The following SIGLEC6 variants were observed in gnomAD, a reference collection of about 807,000 sequenced individuals.
SIGLEC6 encodes the protein sialic acid binding Ig like lectin 6, also known as sialic acid-binding Ig-like lectin 6.
A neutral mutation model predicts 41.4 loss-of-function variants in SIGLEC6; 31 were observed. The ratio of observed to expected loss-of-function variants is 0.75; its 90% CI spans 0.56 to 1.01. The LOEUF (loss-of-function observed/expected upper bound fraction) is 1.01. Ranked by LOEUF, SIGLEC6 falls within the 50% of genes least tolerant of loss-of-function variation. The pLI is 0.00. For missense variants in SIGLEC6, 555 were observed against 558.6 expected (o/e 0.99, Z 0.06); for synonymous variants, 217 against 231.0 (o/e 0.94, Z 0.55).
rs951936742 is a variant in SIGLEC6 at position 51,531,490 on chromosome 19, G to C, written c.97C>G (p.Leu33Val). 1.2e-6 allele frequency: 2 copies of C among 1,613,852 alleles called. No individual in the cohort carries two copies. The highest frequency in any genetic ancestry group is 3.3e-5 in the Admixed American group (2 of 59,966). Reference sequence around the variant, plus strand: ...ACCGTCAGTGACTCTGGCCCCTCCAGCTGGAATCTCCGCTCCTGAGCCAGG... The same window carrying C: ...ACCGTCAGTGACTCTGGCCCCTCCACCTGGAATCTCCGCTCCTGAGCCAGG... The part of the protein sequence containing the change: ...GALAQERRFQ[L>V]EGPESLTVQE... The change falls in exon 2 of 8, where the codon CTG becomes GTG. Residue 33 changes from leucine (L) to valine (V), a missense_variant. Transcript: ENST00000425629.
In SIGLEC6 at chr19:51,519,990, G is replaced by A. The variant is rs1035317566; in HGVS notation, c.*92C>T. 4 of 1,106,010 alleles carry A rather than the reference G, an allele frequency of 3.6e-6. No homozygotes were observed. In the South Asian group the frequency reaches 6.9e-5, roughly 19 times the overall value. The allele number at this position is 1,106,010 out of a possible 1,614,324, so 68.5% of individuals were successfully genotyped here. On this transcript the variant is annotated 3_prime_UTR_variant, in exon 8 of 8. Coordinates refer to ENST00000425629, the MANE Select transcript of SIGLEC6 (RefSeq NM_001245.7). ...TAAAGTTCTGTGTTTATGTCACTCG[G>A]TTTGTGGTACATTGCTGTGGCAGCC...
intron 2 of SIGLEC6, 44 bp from the exon 3 acceptor site, chr19:51,531,003 GT>G: frequency 6.3e-7 from 1 of 1,593,736 alleles, no homozygotes; most frequent in Non-Finnish European, 8.5e-7. Flanking sequence ...GAGGTCTGAG[GT>G]TTCACCCAGG....
chr19:51,530,391 C>T, intron 4 of SIGLEC6, 46 bp downstream of exon 4: 1 of 1,556,202 alleles, frequency 6.4e-7, no homozygotes, highest in Non-Finnish European at 8.9e-7. Context: ...AGTCCCCACT[C>T]TGCTTCCATC....
Position 51,520,077 on chromosome 19 carries a change from A to T in SIGLEC6, c.*5T>A, listed in dbSNP as rs989368473. ...CCAATCAAGGTTATGGCTTTGGACA[A>T]TTCCTCACTTGTGTATCTTGATTTC... On this transcript the variant is annotated 3_prime_UTR_variant, in exon 8 of 8. Coordinates refer to ENST00000425629, the MANE Select transcript of SIGLEC6 (RefSeq NM_001245.7). The T allele has an allele frequency of 6.5e-7, 1 of 1,549,858 alleles. No homozygotes were observed. The highest frequency in any genetic ancestry group is 8.8e-7 in the Non-Finnish European group (1 of 1,133,738).
intron 7 of SIGLEC6, among the ~76,000 whole-genome samples, chr19:51,526,406 G>T (rs1979240529): frequency 6.6e-6 from 1 of 152,174 alleles, no homozygotes; most frequent in African/African-American, 2.4e-5. Context: ...CCACCTATTG[G>T]ATCACATCCA....
rs762596909 is a variant in SIGLEC6, at chr19:51,531,624, C to A, written c.25G>T (p.Ala9Ser). 5.0e-6 allele frequency: 8 copies of A among 1,610,690 alleles called. No homozygotes were observed. The Admixed American group carries it at 1.3e-4, about 27-fold the overall frequency. The change falls in exon 1 of 8, where the codon GCC (alanine) becomes TCC (serine). Residue 9 changes from alanine to serine, a missense_variant. Physicochemically the swap from Ala to Ser is moderately conservative, Grantham distance 99 (BLOSUM62 1). Transcript: ENST00000425629. ...AGCAGCAGCGGTAGCATCTCTGAGG[C>A]GGAGGCTTCCTGGGCTCCCTGCATG... MQGAQEAS[A>S]SEMLPLLLPL...
chr19:51,527,312 T>C (rs1347159438), intron 7 of SIGLEC6, among the ~76,000 whole-genome samples: 2 of 152,078 alleles, frequency 1.3e-5, no homozygotes, highest in African/African-American at 4.8e-5. Context: ...AATATTGTAA[T>C]AGTGATGAGC....
In SIGLEC6 at chr19:51,520,261, T is replaced by C; in HGVS notation, c.1189-6A>G. ...TGGAACTGGTGCTGATGACCCTTAA[T>C]GGAAGAAAAGAAAAGATTCAGGGCT... On this transcript the variant is annotated splice_region_variant and splice_polypyrimidine_tract_variant and intron_variant, in intron 7 of 7. Coordinates refer to ENST00000425629, the MANE Select transcript of SIGLEC6 (RefSeq NM_001245.7). 6.5e-7 allele frequency: 1 copy of C among 1,549,128 alleles called. No individual in the cohort carries two copies. Among genetic ancestry groups the C allele is most frequent in the Non-Finnish European group, 8.8e-7 (1 of 1,134,386 alleles).
At chr19:51,523,196 A>G (rs12461762) in intron 7 of SIGLEC6, among the ~76,000 whole-genome samples, 1 of 152,188 alleles carries the variant, frequency 6.6e-6, no homozygotes, top group Non-Finnish European at 1.5e-5. Flanking sequence ...GCAATATCTA[A>G]AAAGAAAAGC....
intron 5 of SIGLEC6, 43 bp from the exon 6 acceptor site, chr19:51,528,296 A>G (rs1199082910): frequency 6.5e-7 from 1 of 1,532,704 alleles, no homozygotes; most frequent in Non-Finnish European, 9.0e-7. Context: ...TAATTCCAGG[A>G]CATCCTCCCA....
intron 5 of SIGLEC6, chr19:51,528,485 A>T: frequency 1.8e-6 from 1 of 566,178 alleles, no homozygotes; most frequent in Non-Finnish European, 3.2e-6. Context: ...GGCCTTGGAA[A>T]CATCTTCTCC....
At chr19:51,528,763 A>C (rs992628321) in intron 5 of SIGLEC6, among the ~76,000 whole-genome samples, 3 of 152,082 alleles carry the variant, frequency 2.0e-5, no homozygotes. Flanking sequence ...CTAGCAGATC[A>C]CCAGGTCAGG....
chr19:51,520,124 C>G lies in SIGLEC6; in HGVS notation c.1320G>C (p.Lys440Asn). 6.3e-7 allele frequency: 1 copy of G among 1,595,768 alleles called. No individual in the cohort carries two copies. Among genetic ancestry groups the G allele is most frequent in the Non-Finnish European group, 8.6e-7 (1 of 1,166,030 alleles). The change falls in exon 8 of 8, where the codon AAG becomes AAC. Residue 440 changes from lysine to asparagine, a missense_variant. Coordinates refer to ENST00000425629, the MANE Select transcript of SIGLEC6 (RefSeq NM_001245.7). ...HFHKVQPQEPKVTDTEYSEIK... is the reference protein window; with the variant it reads ...HFHKVQPQEPNVTDTEYSEIK... ...TTTCTGAGTACTCAGTGTCGGTGAC[C>G]TTTGGTTCCTGAGGTTGCACCTTGT...
At position 51,518,108 on chromosome 19, in the gene SIGLEC6, G is replaced by T. The variant is rs754191195; in HGVS notation, c.*1974C>A. On this transcript the variant is annotated 3_prime_UTR_variant, in exon 8 of 8. Coordinates refer to ENST00000425629, the MANE Select transcript of SIGLEC6 (RefSeq NM_001245.7). ...CCTAATACCTGAATTATATGTTTTAGAATTTATTTGAGAAATCTTTTCTTT... is the reference window on the plus strand; with the variant it reads ...CCTAATACCTGAATTATATGTTTTATAATTTATTTGAGAAATCTTTTCTTT... Among the ~76,000 whole-genome samples, 37 of 152,028 alleles carry T rather than the reference G, an allele frequency of 2.4e-4. No homozygotes were observed. Among genetic ancestry groups the T allele is most frequent in the Non-Finnish European group, 2.2e-4 (15 of 67,988 alleles).
rs769405406 is a variant in SIGLEC6, at chr19:51,518,911, C to T, written c.*1171G>A. On this transcript the variant is annotated 3_prime_UTR_variant, in exon 8 of 8. Coordinates refer to ENST00000425629, the MANE Select transcript of SIGLEC6 (RefSeq NM_001245.7). ...TTGGGGAGTCGTGAAGAGTTCTGAA[C>T]AGGGGGTGACACAGACACCTGGTGC... 1.3e-5 allele frequency among the ~76,000 whole-genome samples: 2 copies of T among 152,084 alleles called. No homozygotes were observed. Among genetic ancestry groups the T allele is most frequent in the Non-Finnish European group, 2.9e-5 (2 of 68,014 alleles).
At chr19:51,522,126 GCA>G (rs2122309425) in intron 7 of SIGLEC6, among the ~76,000 whole-genome samples, 1 of 152,348 alleles carries the variant, frequency 6.6e-6, no homozygotes, top group South Asian at 2.1e-4. Flanking sequence ...TAAGCTGTAT[GCA>G]CAGAGTGAAA....
chr19:51,525,791 C>T (rs1194099042), intron 7 of SIGLEC6, among the ~76,000 whole-genome samples: 2 of 151,968 alleles, frequency 1.3e-5, no homozygotes, highest in African/African-American at 4.8e-5. Flanking sequence ...AGCGGCCCCA[C>T]CCCTAGATGA....
chr19:51,531,114 C>T (rs1555781701), intron 2 of SIGLEC6, 46 bp downstream of exon 2: 4 of 1,552,658 alleles, frequency 2.6e-6, no homozygotes, highest in Non-Finnish European at 3.5e-6. Flanking sequence ...TGCCCTACGG[C>T]CCCCATGACC....
In SIGLEC6 at chr19:51,530,715, C is replaced by T; in HGVS notation, c.672G>A (p.Val224=). 1 of 1,614,018 alleles carries T rather than the reference C, an allele frequency of 6.2e-7. No homozygotes were observed. Among genetic ancestry groups the T allele is most frequent in the Admixed American group, 1.7e-5 (1 of 59,994 alleles). Residue 224 remains valine, a synonymous_variant, in exon 3 of 8, where the codon GTG becomes GTA. Transcript: ENST00000425629. ...TCQVTFPGAG[V]TMERTIQLNV... Reference sequence around the variant, plus strand: ...TGAGCTGGATGGTTCTCTCCATGGTCACACCGGCTCCAGGGAACGTCACCT... The same window carrying T: ...TGAGCTGGATGGTTCTCTCCATGGTTACACCGGCTCCAGGGAACGTCACCT...
Sources: gnomAD v4.1 joint callset for allele counts (sites outside exome capture counted in the v4.1 genomes callset) on GRCh38, gnomAD v4.1.1 for gene constraint, MANE v1.5 for transcripts, NCBI Gene and HGNC (gene_info 2026-07-23, HGNC 2026-07-21) for gene names.